TAF2: variants seen among roughly 807,000 people sequenced by gnomAD.
TAF2 encodes the protein TATA-box binding protein associated factor 2, also known as transcription initiation factor TFIID subunit 2.
In TAF2, 61 loss-of-function variants were observed where a neutral mutation model predicts 138.5. That is an observed-to-expected ratio of 0.44 (90% CI 0.36 to 0.54). The LOEUF (loss-of-function observed/expected upper bound fraction) is 0.54. Among genes scored for constraint, TAF2 ranks in the 20% least tolerant of loss-of-function variants. The probability of loss-of-function intolerance (pLI) is 0.00; values close to 1 mark genes in which losing one functional copy is unlikely to be tolerated. For missense variants in TAF2, 1,090 were observed against 1,427.9 expected, an observed-to-expected ratio of 0.76 and a Z score of 3.81; for synonymous variants, 475 against 469.9, an observed-to-expected ratio of 1.01 and a Z score of -0.14.
At chr8:119,768,512 G>A (rs1488512620) in intron 18 of TAF2, among the ~76,000 whole-genome samples, 1 of 152,052 alleles carries the variant, frequency 6.6e-6, no homozygotes, top group Non-Finnish European at 1.5e-5. Flanking sequence ...ATTCCACTGT[G>A]GTCTGAGAAG....
chr8:119,757,489 T>C (rs13257002), intron 21 of TAF2, among the ~76,000 whole-genome samples: 41,322 of 152,130 alleles, frequency 0.27, 6,874 homozygotes, highest in Admixed American at 0.46. Context: ...TAAGTTGTTA[T>C]ACTTTTAATT....
chr8:119,813,133 T>C (rs895319545), intron 3 of TAF2, among the ~76,000 whole-genome samples: 9 of 152,256 alleles, frequency 5.9e-5, no homozygotes, highest in Non-Finnish European at 1.2e-4. Flanking sequence ...TTTTTCATAA[T>C]GGCCATTCTG....
chr8:119,811,825 A>T (rs1825088130), intron 3 of TAF2, among the ~76,000 whole-genome samples: 1 of 151,620 alleles, frequency 6.6e-6, no homozygotes, highest in African/African-American at 2.4e-5. Flanking sequence ...AAAAAAAAAA[A>T]AAATAACCAA....
At chr8:119,755,158 T>C (rs1820611193) in intron 22 of TAF2, among the ~76,000 whole-genome samples, 3 of 152,244 alleles carry the variant, frequency 2.0e-5, no homozygotes. Context: ...GTTCCAGAGC[T>C]AGCACTCCTA....
intron 2 of TAF2, among the ~76,000 whole-genome samples, chr8:119,825,425 G>T (rs1826034656): frequency 6.6e-6 from 1 of 152,172 alleles, no homozygotes; most frequent in Non-Finnish European, 1.5e-5. Context: ...TTAGGACTGT[G>T]GACTTTTGAG....
At chr8:119,832,303 T>C (rs1826510749) in intron 1 of TAF2, among the ~76,000 whole-genome samples, 179 bp downstream of exon 1, 1 of 152,216 alleles carries the variant, frequency 6.6e-6, no homozygotes, top group African/African-American at 2.4e-5. Flanking sequence ...GAATTAAATT[T>C]GCTGAATAAC....
In TAF2 at chr8:119,778,147, G is replaced by A. The variant is rs753245590; in HGVS notation, c.2254-18C>T. The A allele has an allele frequency of 7.4e-6, 10 of 1,344,652 alleles. No homozygotes were observed. In the East Asian group the frequency reaches 2.3e-4, roughly 30 times the overall value. 83.3% of individuals were successfully genotyped at this position (1,344,652 alleles called of 1,614,324 possible). On this transcript the variant is annotated intron_variant, in intron 17 of 25. Coordinates refer to ENST00000378164, the MANE Select transcript of TAF2 (RefSeq NM_003184.4). ...GGCATAGTCTACAAAAGAAAAAAAAGAACTTTTAAAAGCACAGAACCTAAC... is the reference window on the plus strand; with the variant it reads ...GGCATAGTCTACAAAAGAAAAAAAAAAACTTTTAAAAGCACAGAACCTAAC...
intron 20 of TAF2, 69 bp downstream of exon 20, chr8:119,760,527 CCAA>C: frequency 3.2e-6 from 5 of 1,565,682 alleles, no homozygotes; most frequent in Non-Finnish European, 4.3e-6. Context: ...TACGAAAACC[CCAA>C]CAACACTGGC....
intron 25 of TAF2, among the ~76,000 whole-genome samples, chr8:119,740,917 G>T (rs898440551): frequency 6.6e-6 from 1 of 152,006 alleles, no homozygotes; most frequent in Non-Finnish European, 1.5e-5. Flanking sequence ...TATATTCAAA[G>T]TTAAGATTAC....
intron 23 of TAF2, among the ~76,000 whole-genome samples, chr8:119,746,065 TTAATATG>T (rs1819944240): frequency 6.6e-6 from 1 of 152,126 alleles, no homozygotes; most frequent in Non-Finnish European, 1.5e-5. Flanking sequence ...ACAAGATGGG[TTAATATG>T]TAATAGGTTA....
At chr8:119,828,514 A>C (rs564597058) in intron 2 of TAF2, among the ~76,000 whole-genome samples, 2 of 152,330 alleles carry the variant, frequency 1.3e-5, no homozygotes, top group East Asian at 3.9e-4. Context: ...CAGAAACTGC[A>C]ACAACCCAAT....
intron 18 of TAF2, among the ~76,000 whole-genome samples, chr8:119,777,394 G>C (rs185636867): frequency 2.0e-4 from 30 of 152,144 alleles, no homozygotes; most frequent in South Asian, 4.2e-4. Context: ...GACTAATATA[G>C]AGCAGTTTTT....
chr8:119,798,350 T>C lies in TAF2; in HGVS notation c.793-504A>G, dbSNP rs1823980624. Among the ~76,000 whole-genome samples, 3 of 152,192 alleles carry C rather than the reference T, an allele frequency of 2.0e-5. No individual in the cohort carries two copies. In the South Asian group the frequency reaches 6.2e-4, roughly 32 times the overall value. Reference sequence around the variant, plus strand: ...GAAAAGTTTACTGGTAGTTAGGAGATTAAAAAATGCCTGCAACAGAAATAG... The same window carrying C: ...GAAAAGTTTACTGGTAGTTAGGAGACTAAAAAATGCCTGCAACAGAAATAG... On this transcript the variant is annotated intron_variant, in intron 6 of 25. Coordinates refer to ENST00000378164, the MANE Select transcript of TAF2 (RefSeq NM_003184.4).
intron 14 of TAF2, among the ~76,000 whole-genome samples, chr8:119,787,478 A>G (rs1051418778): frequency 2.0e-5 from 3 of 152,210 alleles, no homozygotes; most frequent in Admixed American, 1.3e-4. Flanking sequence ...GGCAACAAAC[A>G]CATGAAAAAA....
intron 16 of TAF2, among the ~76,000 whole-genome samples, chr8:119,782,108 G>A (rs1368300818): frequency 3.3e-5 from 5 of 152,066 alleles, no homozygotes; most frequent in African/African-American, 1.2e-4. Flanking sequence ...GTCTTTATTC[G>A]TTTAGACAGA....
intron 13 of TAF2, 111 bp downstream of exon 13, chr8:119,788,679 C>T (rs549354600): frequency 1.2e-6 from 1 of 859,898 alleles, no homozygotes; most frequent in African/African-American, 1.7e-5. Context: ...CTCAATTTAT[C>T]CACTTCAAAC....
intron 18 of TAF2, among the ~76,000 whole-genome samples, chr8:119,772,962 C>T (rs954081446): frequency 1.4e-5 from 2 of 148,018 alleles, no homozygotes; most frequent in African/African-American, 4.9e-5. Context: ...ATAATAATAA[C>T]AATAATAATA....
chr8:119,820,037 C>A (rs1825721458), intron 2 of TAF2, among the ~76,000 whole-genome samples: 1 of 152,148 alleles, frequency 6.6e-6, no homozygotes, highest in Non-Finnish European at 1.5e-5. Flanking sequence ...CCAGGAGCAG[C>A]AAATACATCA....
intron 18 of TAF2, among the ~76,000 whole-genome samples, chr8:119,777,583 T>A (rs1191537829): frequency 6.6e-6 from 1 of 152,028 alleles, no homozygotes; most frequent in Non-Finnish European, 1.5e-5. Flanking sequence ...AATAAATGAA[T>A]AAAGACACAA....
Sources: gnomAD v4.1 joint callset for allele counts (sites outside exome capture counted in the v4.1 genomes callset) on GRCh38, gnomAD v4.1.1 for gene constraint, MANE v1.5 for transcripts, NCBI Gene and HGNC (gene_info 2026-07-23, HGNC 2026-07-21) for gene names.